Variants in ZNF469 observed in about 807,000 individuals in gnomAD.
ZNF469 encodes the protein zinc finger protein 469.
Under a neutral mutation model 1.0 loss-of-function variants are expected in ZNF469, and 1 was observed. The observed-to-expected ratio is 1.00, with a 90% CI of 0.35 to 4.73. The LOEUF is 4.73. ZNF469 is among the 30% of genes most tolerant of loss of function. The pLI is 0.16. For missense variants in ZNF469, 6,100 were observed against 5,356.3 expected, an observed-to-expected ratio of 1.14 and a Z score of -4.33; for synonymous variants, 2,703 against 2,363.4, an observed-to-expected ratio of 1.14 and a Z score of -4.17.
the ZNF469 span, among the ~76,000 whole-genome samples, chr16:88,227,579 C>G: frequency 1.3e-5 from 2 of 150,464 alleles, no homozygotes; most frequent in African/African-American, 4.9e-5. Context: ...GCCTGGCCCC[C>G]CCCTTCTCCC....
chr16:88,413,772 C>T (rs1342653970), intron 1 of ZNF469, among the ~76,000 whole-genome samples: 1 of 152,122 alleles, frequency 6.6e-6, no homozygotes, highest in African/African-American at 2.4e-5. Context: ...AGCTCCTGGG[C>T]TCCGCGCCTC....
chr16:88,435,212 A>G lies in ZNF469; in HGVS notation c.7742A>G (p.His2581Arg). The G allele has an allele frequency of 1.9e-6, 3 of 1,550,374 alleles. No individual in the cohort carries two copies. Among genetic ancestry groups the G allele is most frequent in the Admixed American group, 2.0e-5 (1 of 50,998 alleles). The change falls in exon 3 of 3, where the codon CAT becomes CGT. Residue 2581 changes from histidine (H) to arginine (R), a missense_variant. His to Arg is a conservative substitution (Grantham distance 29, BLOSUM62 0). Transcript: ENST00000565624. Reference protein sequence around the residue: ...QQLHPPSPTEHEVDVKTPASK... With the variant: ...QQLHPPSPTEREVDVKTPASK... ...CTGCACCCTCCAAGCCCTACTGAGC[A>G]TGAGGTAGATGTGAAGACTCCGGCC...
chr16:88,397,840 C>G (rs976572273), intron 1 of ZNF469, among the ~76,000 whole-genome samples: 2 of 152,180 alleles, frequency 1.3e-5, no homozygotes, highest in Admixed American at 1.3e-4. Flanking sequence ...ATCCCAGACA[C>G]TTTGGAGACT....
At chr16:88,422,323 T>TG (rs1905493748) in intron 1 of ZNF469, among the ~76,000 whole-genome samples, 1 of 128,068 alleles carries the variant, frequency 7.8e-6, no homozygotes, top group African/African-American at 3.0e-5. Context: ...GATGGGTGAG[T>TG]GATGGATGGA....
the ZNF469 span, among the ~76,000 whole-genome samples, chr16:88,275,001 G>C: frequency 2.0e-5 from 3 of 152,214 alleles, no homozygotes; most frequent in African/African-American, 7.2e-5. Context: ...AAGGAGCAAA[G>C]TTGCCTTAAA....
the ZNF469 span, among the ~76,000 whole-genome samples, chr16:88,183,054 T>G: frequency 1.4e-3 from 220 of 152,320 alleles, 4 homozygotes; most frequent in African/African-American, 5.2e-3. Flanking sequence ...AAGACAAATA[T>G]AATCCACTAA....
the ZNF469 span, among the ~76,000 whole-genome samples, chr16:88,282,690 A>G: frequency 1.3e-5 from 2 of 152,228 alleles, no homozygotes; most frequent in Admixed American, 1.3e-4. Flanking sequence ...AGTGCAGAGC[A>G]GAGTCCCACA....
At chr16:88,257,950 AG>A in the ZNF469 span, among the ~76,000 whole-genome samples, 1 of 152,216 alleles carries the variant, frequency 6.6e-6, no homozygotes, top group South Asian at 2.1e-4. Context: ...TGCGTCCAGA[AG>A]CTCCTTTCAG....
chr16:88,106,975 C>T, the ZNF469 span, among the ~76,000 whole-genome samples: 1 of 152,260 alleles, frequency 6.6e-6, no homozygotes. Context: ...GCCAGCTCAG[C>T]CTCATGGGGT....
chr16:88,361,632 G>T, the ZNF469 span, among the ~76,000 whole-genome samples: 1 of 151,930 alleles, frequency 6.6e-6, no homozygotes, highest in Non-Finnish European at 1.5e-5. Context: ...TTTTGAAAAT[G>T]CTTTCTCCCA....
the ZNF469 span, among the ~76,000 whole-genome samples, chr16:88,305,726 ACT>A: frequency 6.6e-6 from 1 of 152,146 alleles, no homozygotes; most frequent in Non-Finnish European, 1.5e-5. Context: ...ATACCTGCAC[ACT>A]CATGCCTGCA....
chr16:88,269,102 C>T, the ZNF469 span, among the ~76,000 whole-genome samples: 8 of 152,252 alleles, frequency 5.3e-5, no homozygotes, highest in Non-Finnish European at 1.0e-4. Flanking sequence ...CCCTTTCTCA[C>T]AGCCCAGTCT....
chr16:88,432,911 C>T lies in ZNF469; in HGVS notation c.5441C>T (p.Ala1814Val), dbSNP rs1251303556. Residue 1814 changes from alanine (A) to valine (V), a missense_variant, in exon 3 of 3, where the codon GCT (alanine) becomes GTT (valine). Physicochemically the swap from Ala to Val is moderately conservative, Grantham distance 64. Coordinates refer to ENST00000565624, the MANE Select transcript of ZNF469 (RefSeq NM_001367624.2). ...APDLAFQGDG[A>V]PPLDATWPFG... ...GACTTGGCATTTCAGGGTGACGGGG[C>T]TCCACCTCTGGATGCCACCTGGCCT... The T allele has an allele frequency of 1.3e-6, 2 of 1,550,376 alleles. No homozygotes were observed. The highest frequency in any genetic ancestry group is 1.7e-4 in the Middle Eastern group (1 of 5,990).
chr16:88,296,834 ACACT>A, the ZNF469 span, among the ~76,000 whole-genome samples: 27 of 150,316 alleles, frequency 1.8e-4, no homozygotes, highest in African/African-American at 3.3e-4. Flanking sequence ...TACCACGCAC[ACACT>A]CACGCACCCA....
At chr16:88,343,810 A>G in the ZNF469 span, among the ~76,000 whole-genome samples, 46,865 of 152,022 alleles carry the variant, frequency 0.31, 7,322 homozygotes, top group African/African-American at 0.38. Context: ...CCACCTCTCA[A>G]GACTGCCACA....
rs1444997623 is a variant in ZNF469 at position 88,437,144 on chromosome 16, C to T, written c.9674C>T (p.Ala3225Val). 16 of 1,548,938 alleles carry T rather than the reference C, an allele frequency of 1.0e-5. No homozygotes were observed. The highest frequency in any genetic ancestry group is 1.7e-4 in the Middle Eastern group (1 of 6,010). The change falls in exon 3 of 3, where the codon GCC (alanine) becomes GTC (valine). Residue 3225 changes from alanine (A) to valine (V), a missense_variant. Ala to Val is a moderately conservative substitution (Grantham distance 64, BLOSUM62 0). Transcript: ENST00000565624. ...PGGLEGSSAV[A>V]HLLNSITEPA... ...GGCCTGGAGGGCAGCAGCGCTGTCG[C>T]CCACCTTCTGAACAGCATCACGGAA...
the ZNF469 span, among the ~76,000 whole-genome samples, chr16:88,313,069 G>A: frequency 3.3e-5 from 5 of 152,174 alleles, no homozygotes; most frequent in East Asian, 3.8e-4. Context: ...TCAGGGTCAC[G>A]GTCAGGGTCA....
At chr16:88,242,086 G>A in the ZNF469 span, among the ~76,000 whole-genome samples, 3 of 152,206 alleles carry the variant, frequency 2.0e-5, no homozygotes, top group African/African-American at 2.4e-5. Context: ...CCCCAACCCT[G>A]GACGTCGCAG....
At chr16:88,336,367 AG>A in the ZNF469 span, among the ~76,000 whole-genome samples, 1 of 151,302 alleles carries the variant, frequency 6.6e-6, no homozygotes, top group Non-Finnish European at 1.5e-5. Context: ...CCTTCACGTG[AG>A]ACACTAACAT....
Sources: gnomAD v4.1 joint callset for allele counts (sites outside exome capture counted in the v4.1 genomes callset) on GRCh38, gnomAD v4.1.1 for gene constraint, MANE v1.5 for transcripts, NCBI Gene and HGNC (gene_info 2026-07-23, HGNC 2026-07-21) for gene names.